HGD: variants seen among roughly 807,000 people sequenced by gnomAD.
HGD encodes the protein homogentisate oxidase.
Under a neutral mutation model 60.8 loss-of-function variants are expected in HGD, and 61 were observed. The observed-to-expected ratio is 1.00, with a 90% CI of 0.82 to 1.24. The LOEUF (loss-of-function observed/expected upper bound fraction) is 1.24, where lower values mean the gene tolerates loss of function less well. HGD is among the 50% of genes most tolerant of loss of function. The pLI is 0.00. For missense variants in HGD, 542 were observed against 547.1 expected, an observed-to-expected ratio of 0.99 and a Z score of 0.09; for synonymous variants, 212 against 187.7, an observed-to-expected ratio of 1.13 and a Z score of -1.06.
At chr3:120,664,569 C>T (rs1254090473) in intron 4 of HGD, among the ~76,000 whole-genome samples, 3 of 151,672 alleles carry the variant, frequency 2.0e-5, no homozygotes, top group African/African-American at 2.4e-5. Context: ...CTGGGACTAC[C>T]GGTGCTTGCC....
chr3:120,668,241 C>T (rs887238813), intron 4 of HGD, among the ~76,000 whole-genome samples: 2 of 152,150 alleles, frequency 1.3e-5, no homozygotes, highest in African/African-American at 4.8e-5. Flanking sequence ...ATTTTAAATA[C>T]CAATTCACAT....
At chr3:120,651,959 T>C (rs143488463) in intron 5 of HGD, among the ~76,000 whole-genome samples, 151 of 152,346 alleles carry the variant, frequency 9.9e-4, no homozygotes, top group African/African-American at 3.6e-3. Flanking sequence ...TATCATTTCT[T>C]TCAACTAATA....
rs189029865 is a variant in HGD at position 120,651,504 on chromosome 3, A to G, written c.343-639T>C. Among the ~76,000 whole-genome samples, 110 of 152,328 alleles carry G rather than the reference A, an allele frequency of 7.2e-4. 1 individual carries two copies. Among genetic ancestry groups the G allele is most frequent in the South Asian group, 1.2e-3 (6 of 4,824 alleles). ...TCCAGATATCTACAATTCACACAAG[A>G]AAGGAGATGGGGATATCATTTTGTA... is the stretch of plus-strand genomic sequence containing the variant. On this transcript the variant is annotated intron_variant, in intron 5 of 13. Transcript: ENST00000283871.
At chr3:120,672,983 T>A (rs1708054995) in intron 3 of HGD, among the ~76,000 whole-genome samples, 1 of 152,212 alleles carries the variant, frequency 6.6e-6, no homozygotes, top group Non-Finnish European at 1.5e-5. Context: ...CGTAGGTAGG[T>A]AGATAGACTC....
At chr3:120,653,601 C>T (rs898321800) in intron 4 of HGD, among the ~76,000 whole-genome samples, 2 of 152,214 alleles carry the variant, frequency 1.3e-5, no homozygotes, top group Non-Finnish European at 2.9e-5. Context: ...CACACACAGT[C>T]AGGCAGCAGC....
Position 120,646,282 on chromosome 3 carries a change from C to T in HGD, c.634G>A (p.Asp212Asn), listed in dbSNP as rs372084813. ...GAAGATTTACCAATTGGTCCAAGGT[C>T]AGGTAACTCAAAGTGGACACCATAG... is the stretch of plus-strand genomic sequence containing the variant. ...EVYGVHFELP[D>N]LGPIGANGLA... Residue 212 changes from aspartate (D) to asparagine (N), a missense_variant, in exon 9 of 14, where the codon GAC (aspartate) becomes AAC (asparagine). Physicochemically the swap from Asp to Asn is conservative, Grantham distance 23. Transcript: ENST00000283871. The T allele has an allele frequency of 6.2e-7, 1 of 1,608,410 alleles. No homozygotes were observed. Among genetic ancestry groups the T allele is most frequent in the African/African-American group, 1.3e-5 (1 of 74,764 alleles).
chr3:120,628,233 G>A lies in HGD; in HGVS notation c.*147C>T. On this transcript the variant is annotated 3_prime_UTR_variant, in exon 14 of 14. Coordinates refer to ENST00000283871, the MANE Select transcript of HGD (RefSeq NM_000187.4). The stretch of plus-strand genomic sequence containing the variant: ...GTGACAGCCATAGAACTTTGCAAAT[G>A]CGTTTCCATAAAAGTTCTGAGTTAC... The A allele has an allele frequency of 1.2e-6, 1 of 861,276 alleles. No individual in the cohort carries two copies. Among genetic ancestry groups the A allele is most frequent in the South Asian group, 1.4e-5 (1 of 69,040 alleles). The allele number at this position is 861,276 out of a possible 1,614,324, so 53.4% of individuals were successfully genotyped here. A position where few individuals can be genotyped will look rare whatever the true frequency, so the allele number is the denominator to read the frequency against.
chr3:120,675,728 G>T, intron 2 of HGD, 64 bp downstream of exon 2: 2 of 1,307,710 alleles, frequency 1.5e-6, no homozygotes, highest in Non-Finnish European at 2.2e-6. Context: ...AGGCACTTTG[G>T]CCTGAAAGCT....
At chr3:120,656,942 C>T (rs1049138089) in intron 4 of HGD, among the ~76,000 whole-genome samples, 1 of 152,200 alleles carries the variant, frequency 6.6e-6, no homozygotes, top group African/African-American at 2.4e-5. Context: ...GTCAGTTCTT[C>T]ACACGTGTAA....
intron 3 of HGD, among the ~76,000 whole-genome samples, chr3:120,671,859 C>A (rs2107550861): frequency 6.6e-6 from 1 of 152,192 alleles, no homozygotes; most frequent in East Asian, 1.9e-4. Flanking sequence ...GAACTGGAAG[C>A]CAATATTCTC....
At chr3:120,636,861 T>G (rs1479727785) in intron 12 of HGD, among the ~76,000 whole-genome samples, 2 of 152,192 alleles carry the variant, frequency 1.3e-5, no homozygotes, top group African/African-American at 4.8e-5. Context: ...ACCTGGGAAC[T>G]GGTATATATA....
At chr3:120,636,781 T>A (rs1204757664) in intron 12 of HGD, among the ~76,000 whole-genome samples, 1 of 152,224 alleles carries the variant, frequency 6.6e-6, no homozygotes, top group Non-Finnish European at 1.5e-5. Context: ...CCTAAGGGCC[T>A]TCATTCCTGA....
intron 4 of HGD, among the ~76,000 whole-genome samples, chr3:120,658,296 T>C (rs1437610377): frequency 1.3e-5 from 2 of 152,244 alleles, no homozygotes; most frequent in Admixed American, 6.5e-5. Flanking sequence ...ATTAGGTAAA[T>C]ACTTCCATTT....
intron 3 of HGD, among the ~76,000 whole-genome samples, chr3:120,671,177 C>T (rs138841441): frequency 0.013 from 1,916 of 152,232 alleles, 26 homozygotes; most frequent in South Asian, 0.066. Context: ...TCAGATACGT[C>T]CAGTGCATTT....
intron 6 of HGD, among the ~76,000 whole-genome samples, chr3:120,649,278 G>T (rs1319768772): frequency 6.6e-6 from 1 of 151,112 alleles, no homozygotes; most frequent in East Asian, 2.0e-4. Context: ...GAGTAGCTGG[G>T]ATTACAGGCG....
Position 120,630,843 on chromosome 3 carries a change from TACACACAC to T in HGD, c.1188+2296_1188+2303del, listed in dbSNP as rs111540631. ...ATATATATACACATACACACACACA[TACACACAC>T]ACACACACACACACACACACACACA... is the stretch of plus-strand genomic sequence containing the variant. On this transcript the variant is annotated intron_variant, in intron 13 of 13. Coordinates refer to ENST00000283871, the MANE Select transcript of HGD (RefSeq NM_000187.4). Among the ~76,000 whole-genome samples the T allele has an allele frequency of 8.4e-4, 98 of 116,692 alleles. 1 individual carries two copies. Among genetic ancestry groups the T allele is most frequent in the African/African-American group, 2.0e-3 (55 of 26,988 alleles). The allele number at this position is 116,692 out of a possible 152,430, so 76.6% of individuals were successfully genotyped here.
chr3:120,644,408 T>C lies in HGD; in HGVS notation c.685A>G (p.Ile229Val), dbSNP rs763742160. ...NGLANPRDFL[I>V]PIAWYEDRQV... ...CGATCCTCATACCAGGCAATGGGTA[T>C]CAAGAAATCACGAGGATTGGCCAAG... is the stretch of plus-strand genomic sequence containing the variant. The change falls in exon 10 of 14, where the codon ATA becomes GTA. Residue 229 changes from isoleucine to valine, a missense_variant. Physicochemically the swap from Ile to Val is conservative, Grantham distance 29. Transcript: ENST00000283871. 2.5e-6 allele frequency: 4 copies of C among 1,614,134 alleles called. No individual in the cohort carries two copies. The South Asian group carries it at 3.3e-5, about 13-fold the overall frequency.
At chr3:120,671,991 G>A (rs1361847101) in intron 3 of HGD, among the ~76,000 whole-genome samples, 1 of 151,002 alleles carries the variant, frequency 6.6e-6, no homozygotes, top group Non-Finnish European at 1.5e-5. Flanking sequence ...CTGTTGGGGG[G>A]TGGGAGTTGG....
chr3:120,633,444 G>T, intron 12 of HGD, 116 bp from the exon 13 acceptor site: 1 of 1,587,720 alleles, frequency 6.3e-7, no homozygotes, highest in East Asian at 2.2e-5. Context: ...CTAGTAAATT[G>T]TATAGGATTA....
Sources: allele counts gnomAD v4.1 joint callset (sites outside exome capture counted in the v4.1 genomes callset), GRCh38; gene constraint gnomAD v4.1.1; transcripts MANE v1.5; gene names NCBI Gene and HGNC (gene_info 2026-07-23, HGNC 2026-07-21).